NAV2: variants seen among roughly 807,000 people sequenced by gnomAD.
The protein encoded by NAV2 is helicase, APC down-regulated 1.
NAV2 carries 54 observed loss-of-function variants against 223.2 expected under a neutral mutation model. The observed-to-expected ratio is 0.24, with a 90% CI of 0.19 to 0.30. The LOEUF (loss-of-function observed/expected upper bound fraction) is 0.30, where lower values mean the gene tolerates loss of function less well. NAV2 is among the 10% of genes least tolerant of loss of function. The pLI is 1.00. For missense variants in NAV2, 2,806 were observed against 3,147.5 expected, an observed-to-expected ratio of 0.89 and a Z score of 2.60; for synonymous variants, 1,279 against 1,239.3, an observed-to-expected ratio of 1.03 and a Z score of -0.67.
intron 11 of NAV2, among the ~76,000 whole-genome samples, chr11:20,011,766 A>G (rs1018321148): frequency 1.1e-4 from 16 of 152,262 alleles, no homozygotes; most frequent in Non-Finnish European, 2.4e-4. Flanking sequence ...AGGATTCATT[A>G]ACATCATTCT....
At chr11:20,074,266 G>A (rs1327633375) in intron 22 of NAV2, among the ~76,000 whole-genome samples, 1 of 152,206 alleles carries the variant, frequency 6.6e-6, no homozygotes, top group Non-Finnish European at 1.5e-5. Context: ...TTATTCATGA[G>A]TTCTAATTTG....
chr11:20,048,971 C>T lies in NAV2; in HGVS notation c.4146C>T (p.Leu1382=). The T allele has an allele frequency of 6.2e-7, 1 of 1,614,188 alleles. No homozygotes were observed. The highest frequency in any genetic ancestry group is 8.5e-7 in the Non-Finnish European group (1 of 1,180,032). ...CCCACTCGGCCCCTTCCAACAGCCTCACCTGGGGCACCAACGCCAGCAGCT... is the reference window on the plus strand; with the variant it reads ...CCCACTCGGCCCCTTCCAACAGCCTTACCTGGGGCACCAACGCCAGCAGCT... ...SSAHSAPSNS[L]TWGTNASSSS... is the part of the protein sequence containing the mutation. Residue 1382 remains leucine, a synonymous_variant, in exon 15 of 38, where the codon CTC becomes CTT. Transcript: ENST00000349880.
At chr11:19,946,153 C>A (rs149515532) in intron 8 of NAV2, among the ~76,000 whole-genome samples, 2 of 152,318 alleles carry the variant, frequency 1.3e-5, no homozygotes, top group Non-Finnish European at 2.9e-5. Flanking sequence ...TTGGCTTCTC[C>A]CACATGCTAG....
intron 11 of NAV2, among the ~76,000 whole-genome samples, chr11:19,995,363 G>A (rs897903412): frequency 1.3e-5 from 2 of 152,222 alleles, no homozygotes; most frequent in African/African-American, 4.8e-5. Flanking sequence ...TTAGGAGTCA[G>A]GTTCTTGCCC....
In NAV2 at chr11:19,924,197, A is replaced by G. The variant is rs542594895; in HGVS notation, c.932-8979A>G. Among the ~76,000 whole-genome samples the G allele has an allele frequency of 7.6e-4, 115 of 152,266 alleles. 1 individual carries two copies. The Middle Eastern group carries it at 0.01, about 14-fold the overall frequency. ...AGCAAGTTAACCTTTGTTTAGCTTTACCAATTCTTTATAACATTACGTGGG... is the reference window on the plus strand; with the variant it reads ...AGCAAGTTAACCTTTGTTTAGCTTTGCCAATTCTTTATAACATTACGTGGG... On this transcript the variant is annotated intron_variant, in intron 6 of 37. Coordinates refer to ENST00000349880, the MANE Select transcript of NAV2 (RefSeq NM_145117.5).
chr11:19,545,164 G>A (rs1316001289), intron 1 of NAV2, among the ~76,000 whole-genome samples: 3 of 152,202 alleles, frequency 2.0e-5, no homozygotes, highest in Non-Finnish European at 4.4e-5. Context: ...CCACGCCAGT[G>A]TGGGCATTTA....
chr11:19,635,068 T>C (rs141619813), intron 1 of NAV2, among the ~76,000 whole-genome samples: 130 of 152,342 alleles, frequency 8.5e-4, no homozygotes, highest in African/African-American at 3.0e-3. Flanking sequence ...CCTGATTTCA[T>C]TGTGTGACTC....
At chr11:19,910,750 C>T (rs1368909720) in intron 6 of NAV2, among the ~76,000 whole-genome samples, 8 of 151,944 alleles carry the variant, frequency 5.3e-5, no homozygotes, top group Non-Finnish European at 1.0e-4. Context: ...CCCAGCTACT[C>T]GGGAGGCTGA....
intron 5 of NAV2, among the ~76,000 whole-genome samples, chr11:19,889,205 C>T (rs79409453): frequency 7.9e-4 from 120 of 152,286 alleles, no homozygotes; most frequent in African/African-American, 2.8e-3. Flanking sequence ...TGGGTGAGTC[C>T]GGGCTTAGCT....
At chr11:19,977,930 G>A (rs919787458) in intron 10 of NAV2, among the ~76,000 whole-genome samples, 17 of 149,688 alleles carry the variant, frequency 1.1e-4, no homozygotes, top group African/African-American at 3.0e-4. Context: ...TCAGTCTCCC[G>A]AGTAGCTGGG....
chr11:20,016,938 G>T (rs2054061754), intron 11 of NAV2, among the ~76,000 whole-genome samples: 1 of 152,116 alleles, frequency 6.6e-6, no homozygotes, highest in Admixed American at 6.5e-5. Context: ...CCTGGGAGGT[G>T]GAGGTTGCAG....
chr11:19,759,633 G>T (rs2054560891), intron 1 of NAV2, among the ~76,000 whole-genome samples: 1 of 152,152 alleles, frequency 6.6e-6, no homozygotes, highest in Non-Finnish European at 1.5e-5. Context: ...TCCTGGGGTT[G>T]GCTCCCACAT....
intron 1 of NAV2, among the ~76,000 whole-genome samples, chr11:19,698,616 T>C (rs1168145039): frequency 6.6e-6 from 1 of 152,236 alleles, no homozygotes; most frequent in African/African-American, 2.4e-5. Flanking sequence ...GCCTTTGCTC[T>C]GATTTCCTCT....
chr11:20,072,003 G>A (rs931957437), intron 22 of NAV2, among the ~76,000 whole-genome samples: 3 of 152,126 alleles, frequency 2.0e-5, no homozygotes, highest in Non-Finnish European at 4.4e-5. Flanking sequence ...TAGTCATGAA[G>A]GCTTTGCCCA....
intron 28 of NAV2, 33 bp downstream of exon 28, chr11:20,092,401 G>A (rs747417857): frequency 6.3e-7 from 1 of 1,589,522 alleles, no homozygotes; most frequent in Non-Finnish European, 8.6e-7. Context: ...GGGCAGGAAT[G>A]GACCTACAGC....
chr11:19,616,459 T>G (rs1198510861), intron 1 of NAV2, among the ~76,000 whole-genome samples: 1 of 152,042 alleles, frequency 6.6e-6, no homozygotes, highest in Non-Finnish European at 1.5e-5. Flanking sequence ...ACATAAACTA[T>G]CCTTCACTTC....
chr11:19,881,413 A>G (rs1454263195), intron 5 of NAV2, among the ~76,000 whole-genome samples: 1 of 152,132 alleles, frequency 6.6e-6, no homozygotes, highest in East Asian at 1.9e-4. Flanking sequence ...TCCCTGATGG[A>G]CATGGGTTAT....
Position 20,015,949 on chromosome 11 carries a change from TCAAA to T in NAV2, c.2769-20007_2769-20004del, listed in dbSNP as rs796422109. Among the ~76,000 whole-genome samples the T allele has an allele frequency of 3.3e-5, 5 of 152,176 alleles. No homozygotes were observed. In the East Asian group the frequency reaches 9.6e-4, roughly 29 times the overall value. ...CTCCTCTAATGCCGTGTCACGGAAATCAAACAGGATTTGGCTCCAGTCTGTCGCT... is the reference window on the plus strand; with the variant it reads ...CTCCTCTAATGCCGTGTCACGGAAATCAGGATTTGGCTCCAGTCTGTCGCT... On this transcript the variant is annotated intron_variant, in intron 11 of 37. Coordinates refer to ENST00000349880, the MANE Select transcript of NAV2 (RefSeq NM_145117.5).
At chr11:19,675,030 C>G (rs940105823) in intron 1 of NAV2, among the ~76,000 whole-genome samples, 2 of 152,158 alleles carry the variant, frequency 1.3e-5, no homozygotes, top group African/African-American at 4.8e-5. Flanking sequence ...AATCCGTCCC[C>G]CTCAGGACCT....
Sources: allele counts gnomAD v4.1 joint callset (sites outside exome capture counted in the v4.1 genomes callset), GRCh38; gene constraint gnomAD v4.1.1; transcripts MANE v1.5; gene names NCBI Gene and HGNC (gene_info 2026-07-23, HGNC 2026-07-21).